The following ZNF529 variants were observed in gnomAD, a reference collection of about 807,000 sequenced individuals.
The protein encoded by ZNF529 is zinc finger protein 529.
In ZNF529, 11 loss-of-function variants were observed where a neutral mutation model predicts 10.1. The observed-to-expected ratio is 1.09, with a 90% confidence interval of 0.69 to 1.81. The LOEUF (loss-of-function observed/expected upper bound fraction) is 1.81. ZNF529 is among the 40% of genes most tolerant of loss of function. The pLI is 0.00. For synonymous variants in ZNF529, 204 were observed against 215.7 expected (o/e 0.95, Z 0.47); for missense variants, 624 against 666.8 (o/e 0.94, Z 0.71).
intron 3 of ZNF529, among the ~76,000 whole-genome samples, chr19:36,555,257 T>C (rs2114287): frequency 0.2 from 30,491 of 149,108 alleles, 3,476 homozygotes; most frequent in Middle Eastern, 0.25. Context: ...TTTCACATTA[T>C]ATAATAACAA....
chr19:36,580,683 T>C (rs1215176548), intron 2 of ZNF529: 1 of 152,198 alleles, frequency 6.6e-6, no homozygotes, highest in Non-Finnish European at 1.5e-5. Context: ...ACAAGCATAA[T>C]TGGAAATCCA....
chr19:36,563,466 T>G (rs1338345787), intron 2 of ZNF529, among the ~76,000 whole-genome samples: 2 of 149,694 alleles, frequency 1.3e-5, no homozygotes, highest in Admixed American at 1.3e-4. Context: ...GCTGCAAAGC[T>G]GCAAGGAGAT....
intron 1 of ZNF529, chr19:36,594,679 T>G (rs2036802551): frequency 6.6e-6 from 1 of 152,174 alleles, no homozygotes; most frequent in Non-Finnish European, 1.5e-5. Context: ...ATATGCAGAT[T>G]CATAATTAAA....
chr19:36,590,229 T>C (rs1159071344), intron 1 of ZNF529, among the ~76,000 whole-genome samples: 1 of 152,074 alleles, frequency 6.6e-6, no homozygotes, highest in African/African-American at 2.4e-5. Context: ...TAACAGGATG[T>C]GGTGGTGTGC....
chr19:36,580,557 A>T (rs1325130017), intron 2 of ZNF529: 1 of 152,214 alleles, frequency 6.6e-6, no homozygotes, highest in African/African-American at 2.4e-5. Flanking sequence ...ATTGAGTAAA[A>T]TGTTATTACA....
At chr19:36,578,291 C>CTTTTTTTTTTT (rs1159725232), upstream of ZNF529, among the ~76,000 whole-genome samples, 34 of 31,818 alleles carry the variant, frequency 1.1e-3, 11 homozygotes, top group East Asian at 3.2e-3. Flanking sequence ...GTCTTGATCT[C>CTTTTTTTTTTT]TTTTTTTTTT....
At chr19:36,557,558 A>G (rs2035526748) in intron 2 of ZNF529, among the ~76,000 whole-genome samples, 2 of 151,930 alleles carry the variant, frequency 1.3e-5, no homozygotes, top group Non-Finnish European at 2.9e-5. Flanking sequence ...GGGGGAAACC[A>G]CCCCCATGAT....
intron 4 of ZNF529, among the ~76,000 whole-genome samples, chr19:36,552,723 T>C (rs944958111): frequency 2.6e-5 from 4 of 152,230 alleles, no homozygotes; most frequent in Admixed American, 2.0e-4. Flanking sequence ...AATGTTTTTT[T>C]TATTATAGCC....
At chr19:36,582,964 A>G (rs917448272) in intron 2 of ZNF529, among the ~76,000 whole-genome samples, 3 of 152,188 alleles carry the variant, frequency 2.0e-5, no homozygotes, top group African/African-American at 7.2e-5. Context: ...TAAATTTGAC[A>G]TTTTAGATGA....
intron 1 of ZNF529, among the ~76,000 whole-genome samples, chr19:36,595,558 G>A (rs1054305441): frequency 6.6e-6 from 1 of 152,084 alleles, no homozygotes; most frequent in Admixed American, 6.6e-5. Context: ...AATTAGCCAG[G>A]TGTGGTAGTG....
rs1491095167 is a variant in ZNF529, at chr19:36,546,061, G to GTGTATATATATA, written c.*804_*805insTATATATATACA. On this transcript the variant is annotated 3_prime_UTR_variant, in exon 5 of 5. Transcript: ENST00000591340. ...ATACATATATTGTGTGTGTGTGTGT[G>GTGTATATATATA]TATATATATATATATATATAGTGTG... 7.7e-6 allele frequency: 1 copy of GTGTATATATATA among 130,114 alleles called. No homozygotes were observed. Among genetic ancestry groups the GTGTATATATATA allele is most frequent in the Non-Finnish European group, 1.6e-5 (1 of 61,640 alleles). 8.1% of individuals were successfully genotyped at this position (130,114 alleles called of 1,614,324 possible).
At chr19:36,602,054 T>TTC (rs1442981457) in intron 1 of ZNF529, among the ~76,000 whole-genome samples, 4 of 102,368 alleles carry the variant, frequency 3.9e-5, no homozygotes, top group Non-Finnish European at 1.0e-4. Context: ...ACGCTACAAT[T>TTC]TTTTTTTTTT....
intron 2 of ZNF529, among the ~76,000 whole-genome samples, chr19:36,570,283 G>A (rs1226869938): frequency 6.6e-6 from 1 of 150,526 alleles, no homozygotes; most frequent in African/African-American, 2.4e-5. Flanking sequence ...ATCCCTTGAG[G>A]CTGGGAAGTA....
At chr19:36,549,246 T>C (rs2035171350) in intron 4 of ZNF529, among the ~76,000 whole-genome samples, 1 of 152,116 alleles carries the variant, frequency 6.6e-6, no homozygotes, top group Non-Finnish European at 1.5e-5. Context: ...CTCATATATA[T>C]TTTTTTCAGT....
chr19:36,565,283 TA>T (rs1469158766), intron 2 of ZNF529, among the ~76,000 whole-genome samples: 1 of 151,694 alleles, frequency 6.6e-6, no homozygotes, highest in Non-Finnish European at 1.5e-5. Context: ...AAGGAGAAAC[TA>T]AAACATACCC....
At chr19:36,591,516 G>A (rs1392759764) in intron 1 of ZNF529, among the ~76,000 whole-genome samples, 1 of 150,994 alleles carries the variant, frequency 6.6e-6, no homozygotes, top group Non-Finnish European at 1.5e-5. Context: ...TCAGGAGATC[G>A]AGACCATCCT....
At chr19:36,588,569 T>A (rs548409687) in intron 2 of ZNF529, among the ~76,000 whole-genome samples, 1 of 152,184 alleles carries the variant, frequency 6.6e-6, no homozygotes, top group South Asian at 2.1e-4. Context: ...CTGAAATGAG[T>A]GCTATTCTAC....
At position 36,593,571 on chromosome 19, in the gene ZNF529, C is replaced by T. The variant is rs759544921; in HGVS notation, c.-127-3870G>A. Among the ~76,000 whole-genome samples the T allele has an allele frequency of 5.3e-5, 8 of 151,236 alleles. No homozygotes were observed. In the South Asian group the frequency reaches 8.3e-4, roughly 16 times the overall value. ...TTCAAGAGCTTTCATTTTACTGTTCCGAAAAAAAAGGGCTGAACCGATAGT... is the reference window on the plus strand; with the variant it reads ...TTCAAGAGCTTTCATTTTACTGTTCTGAAAAAAAAGGGCTGAACCGATAGT... On this transcript the variant is annotated intron_variant, in intron 1 of 4. Transcript: ENST00000585960.
intron 2 of ZNF529, among the ~76,000 whole-genome samples, chr19:36,557,624 G>T (rs1255044055): frequency 6.6e-6 from 1 of 152,192 alleles, no homozygotes; most frequent in Non-Finnish European, 1.5e-5. Context: ...ACAATTCAAG[G>T]TGAGTTTTGG....
Sources: gnomAD v4.1 joint callset for allele counts (sites outside exome capture counted in the v4.1 genomes callset) on GRCh38, gnomAD v4.1.1 for gene constraint, MANE v1.5 for transcripts, NCBI Gene and HGNC (gene_info 2026-07-23, HGNC 2026-07-21) for gene names.